ATP11C: variants seen among roughly 807,000 people sequenced by gnomAD.
ATP11C encodes phospholipid-transporting ATPase IG.
In ATP11C, 36 loss-of-function variants were observed where a neutral mutation model predicts 97.4. The observed-to-expected ratio is 0.37, with a 90% CI of 0.28 to 0.49. The LOEUF is 0.49. Among genes scored for constraint, ATP11C ranks in the 20% least tolerant of loss-of-function variants. The probability of loss-of-function intolerance (pLI) is 0.98; values close to 1 mark genes in which losing one functional copy is unlikely to be tolerated. For synonymous variants in ATP11C, 275 were observed against 290.9 expected, an observed-to-expected ratio of 0.95 and a Z score of 0.56; for missense variants, 730 against 824.6, an observed-to-expected ratio of 0.89 and a Z score of 1.40.
intron 19 of ATP11C, among the ~76,000 whole-genome samples, chrX:139,770,064 C>G (rs1431789351): frequency 8.9e-6 from 1 of 111,943 alleles, no homozygotes; most frequent in Non-Finnish European, 1.9e-5. Context: ...TGTTCTCTTT[C>G]TTTGCTCCCC....
intron 1 of ATP11C, among the ~76,000 whole-genome samples, chrX:139,877,072 G>A (rs1246357806): frequency 8.9e-6 from 1 of 111,882 alleles, no homozygotes; most frequent in African/African-American, 3.2e-5. Context: ...ATTCGTCTGT[G>A]CCATCTACCA....
intron 29 of ATP11C, among the ~76,000 whole-genome samples, chrX:139,730,034 T>C (rs1454485404): frequency 1.8e-5 from 2 of 111,913 alleles, no homozygotes; most frequent in East Asian, 5.6e-4. Flanking sequence ...GGTAGTTTCC[T>C]TACCAACCAA....
intron 19 of ATP11C, among the ~76,000 whole-genome samples, chrX:139,769,326 A>ATT (rs61650260): frequency 4.0e-4 from 27 of 67,001 alleles, no homozygotes; most frequent in African/African-American, 1.3e-3. Flanking sequence ...ATATATATAT[A>ATT]TTCTTTAAAT....
intron 29 of ATP11C, among the ~76,000 whole-genome samples, chrX:139,729,426 A>G: frequency 8.9e-6 from 1 of 112,164 alleles, no homozygotes; most frequent in South Asian, 3.7e-4. Flanking sequence ...TAATTTTGAC[A>G]GAGGAAGTCT....
Position 139,883,186 on chromosome X carries a change from T to C in ATP11C, c.27+48830A>G, listed in dbSNP as rs113348385. On this transcript the variant is annotated intron_variant, in intron 1 of 29. Transcript: ENST00000682941. ...TTGTTTTGCTTTAATCTTAGAATAG[T>C]GTTTAACACGAAGTAGCTCCTCAAG... Among the ~76,000 whole-genome samples the C allele has an allele frequency of 2.9e-3, 326 of 110,983 alleles. 2 individuals are homozygous for C. Among genetic ancestry groups the C allele is most frequent in the African/African-American group, 8.9e-3 (272 of 30,525 alleles).
intron 21 of ATP11C, among the ~76,000 whole-genome samples, chrX:139,763,096 C>T (rs2082069734): frequency 8.9e-6 from 1 of 112,411 alleles, no homozygotes; most frequent in Non-Finnish European, 1.9e-5. Context: ...TGAAAAATAT[C>T]CTTTAACTTT....
intron 1 of ATP11C, among the ~76,000 whole-genome samples, chrX:139,844,687 T>C (rs918841590): frequency 2.7e-5 from 3 of 111,679 alleles, no homozygotes; most frequent in African/African-American, 9.8e-5. Context: ...ATTTGTGAGA[T>C]CCCCTAATCC....
chrX:139,835,968 A>C (rs2083741418), intron 1 of ATP11C, among the ~76,000 whole-genome samples: 1 of 90,357 alleles, frequency 1.1e-5, no homozygotes, highest in Non-Finnish European at 2.1e-5. Flanking sequence ...CGGAGGTTGC[A>C]GTGAGCTGAG....
chrX:139,769,015 A>G (rs2082194063), intron 19 of ATP11C, among the ~76,000 whole-genome samples: 2 of 108,458 alleles, frequency 1.8e-5, no homozygotes, highest in African/African-American at 3.4e-5. Flanking sequence ...GCTAGATAAT[A>G]CAATTGCCCA....
chrX:139,794,346 A>T (rs771854322), intron 12 of ATP11C, among the ~76,000 whole-genome samples: 2 of 112,503 alleles, frequency 1.8e-5, no homozygotes, highest in South Asian at 7.4e-4. Context: ...ACAAAGAAAA[A>T]ACAGGTTACA....
At chrX:139,871,062 C>CAAA (rs142699531) in intron 1 of ATP11C, among the ~76,000 whole-genome samples, 6 of 38,797 alleles carry the variant, frequency 1.5e-4, no homozygotes, top group Non-Finnish European at 1.4e-4. Flanking sequence ...GACTCCGTCT[C>CAAA]AAAAAAAAAA....
chrX:139,821,409 C>T (rs1433347221), intron 2 of ATP11C, among the ~76,000 whole-genome samples: 3 of 111,918 alleles, frequency 2.7e-5, no homozygotes, highest in Non-Finnish European at 3.8e-5. Flanking sequence ...TTTTAACTGT[C>T]CCAATTATTT....
At chrX:139,835,435 G>A (rs908787840) in intron 1 of ATP11C, among the ~76,000 whole-genome samples, 20 of 110,397 alleles carry the variant, frequency 1.8e-4, no homozygotes, top group Non-Finnish European at 2.7e-4. Flanking sequence ...ACGGAGTTTC[G>A]CTCTTGTCAC....
In ATP11C at chrX:139,796,595, G is replaced by C. The variant is rs958613853; in HGVS notation, c.1009-125C>G. ...AAACACTGCTCTTGCTATAAAGATG[G>C]AACTTCCTAATAACACTACATCACT... On this transcript the variant is annotated intron_variant, in intron 11 of 29. Coordinates refer to ENST00000682941, the MANE Select transcript of ATP11C (RefSeq NM_001353812.2). The C allele has an allele frequency of 4.0e-5, 19 of 474,854 alleles. No individual in the cohort carries two copies. In the African/African-American group the frequency reaches 4.6e-4, roughly 12 times the overall value. 39.1% of individuals were successfully genotyped at this position (474,854 alleles called of 1,213,427 possible). A position where few individuals can be genotyped will look rare whatever the true frequency, so the allele number is the denominator to read the frequency against.
intron 1 of ATP11C, among the ~76,000 whole-genome samples, chrX:139,859,794 A>G (rs893036134): frequency 1.1e-4 from 12 of 112,235 alleles, no homozygotes; most frequent in African/African-American, 2.9e-4. Context: ...AACAATATAT[A>G]TGGCACAAAT....
chrX:139,731,321 A>G (rs2081336471), intron 29 of ATP11C, among the ~76,000 whole-genome samples: 1 of 112,237 alleles, frequency 8.9e-6, no homozygotes, highest in Non-Finnish European at 1.9e-5. Context: ...AATCAAAGTT[A>G]TATTTCCTGA....
Position 139,826,895 on chromosome X carries a change from C to T in ATP11C, c.28-72G>A, listed in dbSNP as rs545305118. On this transcript the variant is annotated intron_variant, in intron 1 of 29. Coordinates refer to ENST00000682941, the MANE Select transcript of ATP11C (RefSeq NM_001353812.2). ...CCACACTTCTACCAAGCCCATAATTCTTGTCCAAGCATGCTGGGCCATAAT... is the reference window on the plus strand; with the variant it reads ...CCACACTTCTACCAAGCCCATAATTTTTGTCCAAGCATGCTGGGCCATAAT... 9 of 1,070,896 alleles carry T rather than the reference C, an allele frequency of 8.4e-6. No individual in the cohort carries two copies. In the South Asian group the frequency reaches 2.0e-4, roughly 24 times the overall value. 88.3% of individuals were successfully genotyped at this position (1,070,896 alleles called of 1,213,427 possible).
At chrX:139,899,561 AATAAAGT>A (rs2084864787) in intron 1 of ATP11C, among the ~76,000 whole-genome samples, 1 of 111,082 alleles carries the variant, frequency 9.0e-6, no homozygotes, top group African/African-American at 3.3e-5. Context: ...AGAAAATCTA[AATAAAGT>A]ATAAACTTTA....
At chrX:139,821,405 C>T (rs2083406550) in intron 2 of ATP11C, among the ~76,000 whole-genome samples, 1 of 112,164 alleles carries the variant, frequency 8.9e-6, no homozygotes, top group Non-Finnish European at 1.9e-5. Context: ...GCATTTTTAA[C>T]TGTCCCAATT....
Sources: allele counts gnomAD v4.1 joint callset (sites outside exome capture counted in the v4.1 genomes callset), GRCh38; gene constraint gnomAD v4.1.1; transcripts MANE v1.5; gene names NCBI Gene and HGNC (gene_info 2026-07-23, HGNC 2026-07-21).